TBC1D30: variants seen among roughly 807,000 people sequenced by gnomAD.
TBC1D30 encodes the protein TBC1 domain family, member 30.
A neutral mutation model predicts 63.2 loss-of-function variants in TBC1D30; 31 were observed. That is an observed-to-expected ratio of 0.49 (90% CI 0.37 to 0.66). The LOEUF (loss-of-function observed/expected upper bound fraction) is 0.66. TBC1D30 is among the 30% of genes least tolerant of loss of function. TBC1D30 has a pLI of 0.00. For synonymous variants in TBC1D30, 307 were observed against 361.5 expected (o/e 0.85, Z 1.71); for missense variants, 810 against 953.6 (o/e 0.85, Z 1.98).
chr12:64,779,510 C>A (rs950827219), upstream of TBC1D30, among the ~76,000 whole-genome samples: 9 of 151,888 alleles, frequency 5.9e-5, no homozygotes, highest in Non-Finnish European at 8.8e-5. Flanking sequence ...CAAAAAGGGC[C>A]CTTTTATTGC....
intron 6 of TBC1D30, among the ~76,000 whole-genome samples, chr12:64,837,265 C>T (rs886602264): frequency 1.3e-5 from 2 of 151,986 alleles, no homozygotes; most frequent in Non-Finnish European, 2.9e-5. Flanking sequence ...TTCCACAGAC[C>T]AGGGCTTGGG....
intron 3 of TBC1D30, 106 bp from the exon 4 acceptor site, chr12:64,830,271 C>A: frequency 8.8e-7 from 1 of 1,140,598 alleles, no homozygotes; most frequent in Non-Finnish European, 1.2e-6. Flanking sequence ...GATAGCTGGT[C>A]TAGGGACACT....
chr12:64,773,691 G>C (rs752169229), intron 1 of TBC1D30, among the ~76,000 whole-genome samples: 33 of 152,164 alleles, frequency 2.2e-4, no homozygotes, highest in Non-Finnish European at 3.8e-4. Flanking sequence ...CCAGGTACTG[G>C]AAAACCCAAG....
intron 10 of TBC1D30, among the ~76,000 whole-genome samples, chr12:64,867,469 A>G (rs1446253232): frequency 1.3e-5 from 2 of 152,064 alleles, no homozygotes; most frequent in Non-Finnish European, 2.9e-5. Context: ...CAAAAAAAAA[A>G]AAAAATTGTT....
At chr12:64,801,135 T>C (rs1040883889) in intron 2 of TBC1D30, among the ~76,000 whole-genome samples, 1 of 152,218 alleles carries the variant, frequency 6.6e-6, no homozygotes, top group South Asian at 2.1e-4. Flanking sequence ...TTTGTTTCTT[T>C]ATACATCTGT....
chr12:64,797,679 C>T (rs1439308086), intron 2 of TBC1D30, among the ~76,000 whole-genome samples: 1 of 152,162 alleles, frequency 6.6e-6, no homozygotes, highest in Non-Finnish European at 1.5e-5. Context: ...TATTTTCTCC[C>T]CTCGCTCTCA....
At chr12:64,855,763 T>C (rs1877245331) in intron 8 of TBC1D30, among the ~76,000 whole-genome samples, 1 of 152,228 alleles carries the variant, frequency 6.6e-6, no homozygotes, top group Admixed American at 6.5e-5. Context: ...GTCTAAAAGG[T>C]CATATATCTC....
At chr12:64,815,103 T>C (rs950402180) in intron 2 of TBC1D30, among the ~76,000 whole-genome samples, 2 of 152,236 alleles carry the variant, frequency 1.3e-5, no homozygotes, top group African/African-American at 4.8e-5. Context: ...TCCTCTATGA[T>C]TCAACCACAG....
chr12:64,785,883 G>A (rs981491580), exon 2 of TBC1D30: 18 of 1,288,024 alleles, frequency 1.4e-5, no homozygotes, highest in African/African-American at 1.2e-4. Flanking sequence ...ACTGATAGAC[G>A]CTAATGAACT....
At position 64,881,016 on chromosome 12, in the gene TBC1D30, C is replaced by CA. The variant is rs1479126642; in HGVS notation, c.*5234dup. 1.3e-5 allele frequency: 2 copies of CA among 151,368 alleles called. No homozygotes were observed. The highest frequency in any genetic ancestry group is 4.9e-5 in the African/African-American group (2 of 41,224). The allele number at this position is 151,368 out of a possible 1,614,324, so 9.4% of individuals were successfully genotyped here. A position where few individuals can be genotyped will look rare whatever the true frequency, so the allele number is the denominator to read the frequency against. On this transcript the variant is annotated 3_prime_UTR_variant, in exon 12 of 12. Transcript: ENST00000539867. ...ATCTATATTAAAACATGAAACAAAG[C>CA]AAAAAATAAAAAAAAACCTCCTTAG...
chr12:64,838,336 G>C (rs973859795), intron 6 of TBC1D30, among the ~76,000 whole-genome samples: 3 of 152,206 alleles, frequency 2.0e-5, no homozygotes, highest in African/African-American at 7.2e-5. Context: ...TTGAAAATCT[G>C]ATGGCTTTTG....
At chr12:64,823,642 C>T (rs1418146074), upstream of TBC1D30, among the ~76,000 whole-genome samples, 1 of 151,984 alleles carries the variant, frequency 6.6e-6, no homozygotes, top group Non-Finnish European at 1.5e-5. Context: ...TATGTATTTT[C>T]AAATTTTATT....
intron 6 of TBC1D30, among the ~76,000 whole-genome samples, chr12:64,837,162 C>T (rs187158129): frequency 2.8e-4 from 43 of 152,224 alleles, no homozygotes; most frequent in African/African-American, 8.7e-4. Flanking sequence ...CCTGGCTGTG[C>T]GTACAGAATA....
At chr12:64,873,931 C>T (rs74622935) in intron 11 of TBC1D30, among the ~76,000 whole-genome samples, 427 of 152,228 alleles carry the variant, frequency 2.8e-3, no homozygotes, top group African/African-American at 9.9e-3. Flanking sequence ...GAAGGAAACT[C>T]GCACACAGAG....
In TBC1D30 at chr12:64,766,499, A is replaced by G. The variant is rs564939044; in HGVS notation, c.-376+6850A>G. ...AAAAGGTTCAATCCATCAGGAAGAT[A>G]TAACAATTATAAATATATATGGACC... is the stretch of plus-strand genomic sequence containing the variant. On this transcript the variant is annotated intron_variant, in intron 1 of 13. Transcript: ENST00000674237. Among the ~76,000 whole-genome samples the G allele has an allele frequency of 1.0e-3, 159 of 152,334 alleles. 1 individual carries two copies. Among genetic ancestry groups the G allele is most frequent in the African/African-American group, 3.6e-3 (151 of 41,588 alleles).
At chr12:64,857,622 C>G (rs1877421484) in intron 8 of TBC1D30, among the ~76,000 whole-genome samples, 1 of 152,158 alleles carries the variant, frequency 6.6e-6, no homozygotes, top group Middle Eastern at 3.2e-3. Flanking sequence ...CATGTGCCAC[C>G]CTAGTTTACT....
rs1419387233 is a variant in TBC1D30, at chr12:64,880,855, A to G, written c.*5067A>G. On this transcript the variant is annotated 3_prime_UTR_variant, in exon 12 of 12. Coordinates refer to ENST00000539867, the MANE Select transcript of TBC1D30 (RefSeq NM_015279.2). ...TAGTGTTTACATCCTTGCTATAACAATTCTAGTTTTCCTTTAGGCAATGCT... is the reference window on the plus strand; with the variant it reads ...TAGTGTTTACATCCTTGCTATAACAGTTCTAGTTTTCCTTTAGGCAATGCT... The G allele has an allele frequency of 6.6e-6, 1 of 152,168 alleles. No individual in the cohort carries two copies. Among genetic ancestry groups the G allele is most frequent in the Non-Finnish European group, 1.5e-5 (1 of 68,016 alleles). 9.4% of individuals were successfully genotyped at this position (152,168 alleles called of 1,614,324 possible). A position where few individuals can be genotyped will look rare whatever the true frequency, so the allele number is the denominator to read the frequency against.
intron 8 of TBC1D30, among the ~76,000 whole-genome samples, chr12:64,864,409 G>A (rs554498753): frequency 1.1e-4 from 17 of 152,168 alleles, no homozygotes; most frequent in Non-Finnish European, 1.9e-4. Flanking sequence ...CAGACTGCCC[G>A]TGATTGCCCA....
At chr12:64,850,588 A>G (rs1278666301) in intron 8 of TBC1D30, among the ~76,000 whole-genome samples, 7 of 152,272 alleles carry the variant, frequency 4.6e-5, no homozygotes, top group Non-Finnish European at 1.0e-4. Flanking sequence ...ATTGATTTGC[A>G]TATATTGAAC....
Sources: allele counts gnomAD v4.1 joint callset (sites outside exome capture counted in the v4.1 genomes callset), GRCh38; gene constraint gnomAD v4.1.1; transcripts MANE v1.5; gene names NCBI Gene and HGNC (gene_info 2026-07-23, HGNC 2026-07-21).